FBXL17: variants seen among roughly 807,000 people sequenced by gnomAD.
The protein encoded by FBXL17 is F-box and leucine rich repeat protein 17.
A neutral mutation model predicts 66.2 loss-of-function variants in FBXL17; 22 were observed. That is an observed-to-expected ratio of 0.33 (90% CI 0.24 to 0.47). The LOEUF (loss-of-function observed/expected upper bound fraction) is 0.47. Among genes scored for constraint, FBXL17 ranks in the 20% least tolerant of loss-of-function variants. The probability of loss-of-function intolerance (pLI) is 1.00; values close to 1 mark genes in which losing one functional copy is unlikely to be tolerated. For missense variants in FBXL17, 878 were observed against 948.2 expected, an observed-to-expected ratio of 0.93 and a Z score of 0.97; for synonymous variants, 474 against 400.5, an observed-to-expected ratio of 1.18 and a Z score of -2.19.
At chr5:108,105,043 G>A (rs1215108433) in intron 6 of FBXL17, among the ~76,000 whole-genome samples, 8 of 151,962 alleles carry the variant, frequency 5.3e-5, no homozygotes, top group African/African-American at 9.7e-5. Flanking sequence ...GGGTTTCACC[G>A]TGTTAGCTAG....
intron 3 of FBXL17, among the ~76,000 whole-genome samples, chr5:108,351,245 T>C (rs1747635373): frequency 6.6e-6 from 1 of 152,038 alleles, no homozygotes; most frequent in Non-Finnish European, 1.5e-5. Flanking sequence ...TATAATAGAA[T>C]TATGTTGGAA....
intron 4 of FBXL17, among the ~76,000 whole-genome samples, chr5:108,331,959 G>A (rs1322885840): frequency 6.6e-6 from 1 of 152,130 alleles, no homozygotes; most frequent in Non-Finnish European, 1.5e-5. Context: ...ATATAGTAGA[G>A]AATATCTTAA....
chr5:107,871,563 C>T (rs1334393413), intron 8 of FBXL17, among the ~76,000 whole-genome samples: 1 of 152,100 alleles, frequency 6.6e-6, no homozygotes, highest in Non-Finnish European at 1.5e-5. Context: ...GGTACACAAC[C>T]ATGTGTTGGC....
At chr5:108,076,937 A>G (rs1323198258) in intron 6 of FBXL17, among the ~76,000 whole-genome samples, 1 of 152,190 alleles carries the variant, frequency 6.6e-6, no homozygotes, top group Non-Finnish European at 1.5e-5. Context: ...GACTTTATGG[A>G]GCCAATAAGA....
rs1205692105 is a variant in FBXL17, at chr5:108,367,812, T to C, written c.1116+19A>G. Reference sequence around the variant, plus strand: ...TTTGAGTAGGTCATATGAGTGTTACTTAGAATTGGATTCCATACCTGCTGA... The same window carrying C: ...TTTGAGTAGGTCATATGAGTGTTACCTAGAATTGGATTCCATACCTGCTGA... On this transcript the variant is annotated intron_variant, in intron 2 of 8. Coordinates refer to ENST00000542267, the MANE Select transcript of FBXL17 (RefSeq NM_001163315.3). 2 of 1,544,690 alleles carry C rather than the reference T, an allele frequency of 1.3e-6. No individual in the cohort carries two copies. The highest frequency in any genetic ancestry group is 8.7e-7 in the Non-Finnish European group (1 of 1,144,070).
chr5:107,887,074 T>A (rs1748997024), intron 7 of FBXL17, among the ~76,000 whole-genome samples: 1 of 152,192 alleles, frequency 6.6e-6, no homozygotes, highest in Admixed American at 6.5e-5. Context: ...TTAATTTAAT[T>A]GTTTCAGTGT....
intron 5 of FBXL17, among the ~76,000 whole-genome samples, chr5:108,203,487 T>G (rs1753985408): frequency 6.6e-6 from 1 of 152,134 alleles, no homozygotes; most frequent in South Asian, 2.1e-4. Context: ...GCTCAACTCT[T>G]AACTGCTAAA....
In FBXL17 at chr5:107,882,197, T is replaced by C. The variant is rs145851877; in HGVS notation, c.1823-1018A>G. Among the ~76,000 whole-genome samples the C allele has an allele frequency of 4.3e-3, 652 of 152,282 alleles. 4 individuals carry two copies. The highest frequency in any genetic ancestry group is 0.015 in the African/African-American group (632 of 41,552). On this transcript the variant is annotated intron_variant, in intron 7 of 8. Transcript: ENST00000542267. ...ATAATTTCCTCATTCTAAGATAGCATAAGTTGATTTCTGTGACAATAAAGG... is the reference window on the plus strand; with the variant it reads ...ATAATTTCCTCATTCTAAGATAGCACAAGTTGATTTCTGTGACAATAAAGG...
chr5:108,186,501 G>A (rs531726538), intron 5 of FBXL17, among the ~76,000 whole-genome samples: 17 of 152,260 alleles, frequency 1.1e-4, no homozygotes, highest in Middle Eastern at 3.4e-3. Flanking sequence ...GCCAGGCGCG[G>A]TGGCTCACAT....
chr5:108,109,238 A>T (rs939628174), intron 6 of FBXL17, among the ~76,000 whole-genome samples: 1 of 152,184 alleles, frequency 6.6e-6, no homozygotes, highest in African/African-American at 2.4e-5. Context: ...CATTTGAGAA[A>T]ATAGCAGAAG....
intron 7 of FBXL17, among the ~76,000 whole-genome samples, chr5:107,918,976 A>G (rs12514763): frequency 0.26 from 39,536 of 152,060 alleles, 6,182 homozygotes; most frequent in Admixed American, 0.43. Flanking sequence ...TTTGTGGGAG[A>G]GGCTGTGTGA....
chr5:107,942,131 G>A (rs956751171), intron 7 of FBXL17, among the ~76,000 whole-genome samples: 1 of 152,166 alleles, frequency 6.6e-6, no homozygotes, highest in Non-Finnish European at 1.5e-5. Context: ...ACAGCTGGAT[G>A]TAGGCAATAC....
intron 6 of FBXL17, among the ~76,000 whole-genome samples, chr5:108,045,426 A>G (rs1747218012): frequency 6.6e-6 from 1 of 151,688 alleles, no homozygotes; most frequent in Non-Finnish European, 1.5e-5. Context: ...TGGGCGATAG[A>G]GCAAGACTCT....
rs549328946 is a variant in FBXL17 at position 107,891,827 on chromosome 5, G to A, written c.1823-10648C>T. ...AAAGACCACTCTTATTAATCTTTGCGTCATCATTGACTAGCTGAGTCTTTC... is the reference window on the plus strand; with the variant it reads ...AAAGACCACTCTTATTAATCTTTGCATCATCATTGACTAGCTGAGTCTTTC... On this transcript the variant is annotated intron_variant, in intron 7 of 8. Coordinates refer to ENST00000542267, the MANE Select transcript of FBXL17 (RefSeq NM_001163315.3). Among the ~76,000 whole-genome samples the A allele has an allele frequency of 7.4e-4, 112 of 152,126 alleles. 1 individual carries two copies. The highest frequency in any genetic ancestry group is 2.1e-3 in the African/African-American group (89 of 41,498).
chr5:108,003,891 G>A (rs1183232157), intron 7 of FBXL17, among the ~76,000 whole-genome samples: 1 of 152,054 alleles, frequency 6.6e-6, no homozygotes, highest in Non-Finnish European at 1.5e-5. Flanking sequence ...TAGAGATAAT[G>A]GGAAAAAGGC....
intron 6 of FBXL17, among the ~76,000 whole-genome samples, chr5:108,032,840 G>C (rs997105254): frequency 2.0e-5 from 3 of 152,262 alleles, no homozygotes; most frequent in Admixed American, 1.3e-4. Context: ...GTCTAAGAAT[G>C]ATATTAATCA....
At chr5:108,153,642 C>T (rs1216282745) in intron 6 of FBXL17, among the ~76,000 whole-genome samples, 1 of 152,048 alleles carries the variant, frequency 6.6e-6, no homozygotes, top group Non-Finnish European at 1.5e-5. Flanking sequence ...GGTCCATGGA[C>T]AATAACATCT....
At chr5:107,996,565 T>G (rs1024928290) in intron 7 of FBXL17, among the ~76,000 whole-genome samples, 44 of 152,198 alleles carry the variant, frequency 2.9e-4, no homozygotes, top group African/African-American at 1.1e-3. Context: ...TCCGCCCACT[T>G]GGGCTCCCAA....
chr5:108,121,962 A>C (rs901787548), intron 6 of FBXL17, among the ~76,000 whole-genome samples: 5 of 152,110 alleles, frequency 3.3e-5, no homozygotes, highest in Non-Finnish European at 5.9e-5. Context: ...CAACCCCAAA[A>C]TTTTGCTTTT....
Sources: allele counts gnomAD v4.1 joint callset (sites outside exome capture counted in the v4.1 genomes callset), GRCh38; gene constraint gnomAD v4.1.1; transcripts MANE v1.5; gene names NCBI Gene and HGNC (gene_info 2026-07-23, HGNC 2026-07-21).